The following PIAS2 variants were observed in gnomAD, a reference collection of about 807,000 sequenced individuals.
PIAS2 encodes the protein protein inhibitor of activated STAT 2, also known as E3 SUMO-protein ligase PIAS2.
PIAS2 carries 19 observed loss-of-function variants against 69.7 expected under a neutral mutation model. The ratio of observed to expected loss-of-function variants is 0.27; its 90% CI spans 0.19 to 0.40. The LOEUF (loss-of-function observed/expected upper bound fraction) is 0.40, where lower values mean the gene tolerates loss of function less well. Among genes scored for constraint, PIAS2 ranks in the 10% least tolerant of loss-of-function variants. PIAS2 has a pLI of 1.00. For missense variants in PIAS2, 624 were observed against 757.0 expected (o/e 0.82, Z 2.06); for synonymous variants, 261 against 263.2 (o/e 0.99, Z 0.08).
intron 12 of PIAS2, among the ~76,000 whole-genome samples, chr18:46,820,104 C>A (rs1330411434): frequency 6.6e-6 from 1 of 152,122 alleles, no homozygotes; most frequent in African/African-American, 2.4e-5. Context: ...CCATCCCACC[C>A]AGGACATGAA....
chr18:46,879,381 A>G (rs2051794974), intron 2 of PIAS2, among the ~76,000 whole-genome samples: 1 of 3,284 alleles, frequency 3.0e-4, no homozygotes, highest in Admixed American at 5.6e-3. Context: ...CAGGATGGTC[A>G]CTATAAAAAA....
intron 10 of PIAS2, among the ~76,000 whole-genome samples, chr18:46,829,114 G>T (rs770832203): frequency 1.3e-5 from 2 of 152,094 alleles, no homozygotes; most frequent in African/African-American, 2.4e-5. Context: ...TTCACGTGTG[G>T]GTTTCAATGA....
intron 2 of PIAS2, among the ~76,000 whole-genome samples, chr18:46,871,757 A>T (rs1751322932): frequency 6.6e-6 from 1 of 152,200 alleles, no homozygotes; most frequent in African/African-American, 2.4e-5. Context: ...AGAATCTTAG[A>T]AGACACAGAG....
intron 1 of PIAS2, among the ~76,000 whole-genome samples, chr18:46,910,231 T>G (rs949468776): frequency 6.6e-6 from 1 of 152,170 alleles, no homozygotes; most frequent in Non-Finnish European, 1.5e-5. Flanking sequence ...CCAGGAATGA[T>G]GAATCCAAAA....
At chr18:46,897,477 C>T (rs917631695) in intron 1 of PIAS2, among the ~76,000 whole-genome samples, 1 of 152,018 alleles carries the variant, frequency 6.6e-6, no homozygotes, top group African/African-American at 2.4e-5. Context: ...GGATTCAAAC[C>T]GATTAAATAT....
intron 9 of PIAS2, among the ~76,000 whole-genome samples, chr18:46,834,264 A>G (rs539980938): frequency 6.6e-6 from 1 of 152,330 alleles, no homozygotes; most frequent in South Asian, 2.1e-4. Context: ...CAAAAAGGAA[A>G]AGACAAGACT....
chr18:46,814,983 A>T (rs2041357372), intron 13 of PIAS2, among the ~76,000 whole-genome samples: 1 of 152,250 alleles, frequency 6.6e-6, no homozygotes, highest in Admixed American at 6.5e-5. Flanking sequence ...TTTAGCTAAA[A>T]AATAAAACTG....
intron 9 of PIAS2, among the ~76,000 whole-genome samples, chr18:46,830,666 A>T (rs1030060005): frequency 1.3e-5 from 2 of 152,294 alleles, no homozygotes. Context: ...GTTTCTAGTC[A>T]AACTTATTTA....
intron 5 of PIAS2, among the ~76,000 whole-genome samples, chr18:46,851,904 C>T (rs113913745): frequency 1.3e-5 from 2 of 152,182 alleles, no homozygotes. Context: ...ATATTCAGAG[C>T]TCTAATGGGC....
At chr18:46,876,757 C>T (rs1029831432) in intron 2 of PIAS2, among the ~76,000 whole-genome samples, 2 of 149,932 alleles carry the variant, frequency 1.3e-5, no homozygotes, top group Non-Finnish European at 3.0e-5. Flanking sequence ...AGTGCAGTGG[C>T]GCTATCTCAA....
chr18:46,864,124 C>T (rs2049064831), intron 3 of PIAS2, 40 bp downstream of exon 3: 1 of 1,172,912 alleles, frequency 8.5e-7, no homozygotes, highest in Non-Finnish European at 1.2e-6. Flanking sequence ...GGTGAATAAA[C>T]CAATATTCAT....
In PIAS2 at chr18:46,846,837, T is replaced by C. The variant is rs114135676; in HGVS notation, c.731A>G (p.Tyr244Cys). Residue 244 changes from tyrosine (Y) to cysteine (C), a missense_variant, in exon 6 of 14, where the codon TAT becomes TGT. Transcript: ENST00000585916. ...AATCCCATTTTTAGGCGGTGGTGCA[T>C]AGCCCTATAACCGTAAGAAAGAAAA... Reference protein sequence around the residue: ...VNGKLFPLPGYAPPPKNGIEQ... With the variant: ...VNGKLFPLPGCAPPPKNGIEQ... 1.9e-5 allele frequency: 31 copies of C among 1,602,986 alleles called. No individual in the cohort carries two copies. Among genetic ancestry groups the C allele is most frequent in the East Asian group, 9.0e-5 (4 of 44,586 alleles).
intron 1 of PIAS2, among the ~76,000 whole-genome samples, chr18:46,909,075 T>C (rs2056966102): frequency 6.6e-6 from 1 of 152,100 alleles, no homozygotes; most frequent in African/African-American, 2.4e-5. Flanking sequence ...ACCACATGCA[T>C]CCAACTGTGA....
chr18:46,815,539 T>TA lies in PIAS2; in HGVS notation c.1649-191dup, dbSNP rs2041422157. The TA allele has an allele frequency of 6.1e-6, 6 of 985,256 alleles. No individual in the cohort carries two copies. In the Admixed American group the frequency reaches 1.8e-4, roughly 30 times the overall value. 61.0% of individuals were successfully genotyped at this position (985,256 alleles called of 1,614,324 possible). On this transcript the variant is annotated intron_variant, in intron 12 of 13. Coordinates refer to ENST00000585916, the MANE Select transcript of PIAS2 (RefSeq NM_004671.5). ...ACCCAAAGATGAATATATTCTCTGA[T>TA]AAAACAACTGGAAAAACTAGCTCCC... is the stretch of plus-strand genomic sequence containing the variant.
chr18:46,910,561 G>T (rs1429919272), intron 1 of PIAS2, among the ~76,000 whole-genome samples: 2 of 152,004 alleles, frequency 1.3e-5, no homozygotes. Flanking sequence ...TCAAGGACAG[G>T]TTGCTATTTA....
intron 11 of PIAS2, among the ~76,000 whole-genome samples, chr18:46,826,423 GAGTC>G (rs1193124089): frequency 6.6e-6 from 1 of 152,146 alleles, no homozygotes; most frequent in Non-Finnish European, 1.5e-5. Flanking sequence ...AACAACTCAT[GAGTC>G]AGCATCACTA....
chr18:46,876,911 A>T (rs2051300569), intron 2 of PIAS2, among the ~76,000 whole-genome samples: 1 of 152,136 alleles, frequency 6.6e-6, no homozygotes, highest in Non-Finnish European at 1.5e-5. Flanking sequence ...CGTGTTAGCC[A>T]GGATGGTCTC....
rs2058092142 is a variant in PIAS2, at chr18:46,917,352, C to T, written c.-7G>A. 1.4e-6 allele frequency: 2 copies of T among 1,467,466 alleles called. No individual in the cohort carries two copies. The highest frequency in any genetic ancestry group is 1.8e-6 in the Non-Finnish European group (2 of 1,104,514). 90.9% of individuals were successfully genotyped at this position (1,467,466 alleles called of 1,614,324 possible). ...ACTCTTCGAAATCCGCCATTTTATA[C>T]CACCCGCGGGCGCCGCCGCCGCTGC... On this transcript the variant is annotated 5_prime_UTR_variant, in exon 1 of 14. Transcript: ENST00000585916.
rs969758650 is a variant in PIAS2, at chr18:46,806,164, TCA to T, written c.*6267_*6268del. The T allele has an allele frequency of 6.6e-6, 1 of 151,984 alleles. No homozygotes were observed. The highest frequency in any genetic ancestry group is 2.4e-5 in the African/African-American group (1 of 41,378). 9.4% of individuals were successfully genotyped at this position (151,984 alleles called of 1,614,324 possible). A position where few individuals can be genotyped will look rare whatever the true frequency, so the allele number is the denominator to read the frequency against. ...GATAGCACAGCTAATTAACGTCACT[TCA>T]GTTTACGCAGAGAGCTTTTGGGGTA... On this transcript the variant is annotated 3_prime_UTR_variant, in exon 14 of 14. Transcript: ENST00000585916.
Sources: gnomAD v4.1 joint callset for allele counts (sites outside exome capture counted in the v4.1 genomes callset) on GRCh38, gnomAD v4.1.1 for gene constraint, MANE v1.5 for transcripts, NCBI Gene and HGNC (gene_info 2026-07-23, HGNC 2026-07-21) for gene names.